Variants in IRGM observed in about 807,000 individuals in gnomAD.
IRGM encodes immunity-related GTPase family M protein.
For missense variants in IRGM, 288 were observed against 219.9 expected (o/e 1.31, Z -1.96); for synonymous variants, 98 against 80.6 (o/e 1.22, Z -1.16).
chr5:150,870,214 C>A (rs1008209629), intron 1 of IRGM, among the ~76,000 whole-genome samples: 1 of 152,052 alleles, frequency 6.6e-6, no homozygotes. Context: ...AAATAGGAAC[C>A]ATTACAGACA....
intron 1 of IRGM, among the ~76,000 whole-genome samples, chr5:150,855,249 G>A (rs1359027724): frequency 6.6e-6 from 1 of 152,084 alleles, no homozygotes; most frequent in Non-Finnish European, 1.5e-5. Context: ...AACATGCAGA[G>A]TAATTTTTCT....
At position 150,853,745 on chromosome 5, in the gene IRGM, G is replaced by A. The variant is rs140288651; in HGVS notation, c.158+5091G>A. 9.4e-4 allele frequency among the ~76,000 whole-genome samples: 143 copies of A among 152,006 alleles called. 1 individual carries two copies. The highest frequency in any genetic ancestry group is 3.3e-3 in the African/African-American group (137 of 41,480). On this transcript the variant is annotated intron_variant and NMD_transcript_variant, in intron 1 of 3. Coordinates refer to the IRGM transcript ENST00000520549. ...CCACCCCTGCTCTCTTTCAGTTCCT[G>A]TTTGCATGGAATATCTCTTTCCACC...
intron 3 of IRGM, among the ~76,000 whole-genome samples, chr5:150,883,621 A>G (rs971627177): frequency 6.6e-6 from 1 of 152,032 alleles, no homozygotes; most frequent in African/African-American, 2.4e-5. Flanking sequence ...ATTATAGGCC[A>G]TCAAATTTAA....
intron 1 of IRGM, among the ~76,000 whole-genome samples, chr5:150,863,753 C>T (rs1280869437): frequency 6.6e-6 from 1 of 152,218 alleles, no homozygotes; most frequent in African/African-American, 2.4e-5. Context: ...GCAGAAGCTA[C>T]ACCTGAACCG....
At chr5:150,873,434 A>T (rs1038407700) in intron 1 of IRGM, among the ~76,000 whole-genome samples, 1 of 152,168 alleles carries the variant, frequency 6.6e-6, no homozygotes, top group Non-Finnish European at 1.5e-5. Flanking sequence ...TCTTTCTCCC[A>T]TCCTTCCCCA....
At chr5:150,861,884 C>G (rs1057317664) in intron 1 of IRGM, among the ~76,000 whole-genome samples, 1 of 152,190 alleles carries the variant, frequency 6.6e-6, no homozygotes, top group African/African-American at 2.4e-5. Flanking sequence ...CCAGAACCCT[C>G]AAATATGGAT....
At chr5:150,855,787 G>A (rs1230641922) in intron 1 of IRGM, among the ~76,000 whole-genome samples, 2 of 152,162 alleles carry the variant, frequency 1.3e-5, no homozygotes, top group Admixed American at 1.3e-4. Context: ...TATGTTCACT[G>A]CAGCAAAAGA....
At chr5:150,882,749 T>C (rs75807404) in intron 3 of IRGM, among the ~76,000 whole-genome samples, 5,845 of 152,222 alleles carry the variant, frequency 0.038, 179 homozygotes, top group East Asian at 0.16. Context: ...AAGGAAGATA[T>C]AGATTGCAAT....
At chr5:150,898,349 G>A (rs938395745) in intron 3 of IRGM, 1 of 1,609,496 alleles carries the variant, frequency 6.2e-7, no homozygotes, top group Non-Finnish European at 8.5e-7. Context: ...CATATGTCAG[G>A]AACAATCTAA....
In IRGM at chr5:150,848,369, C is replaced by G; in HGVS notation, c.246C>G (p.His82Gln). 1.3e-6 allele frequency: 2 copies of G among 1,551,856 alleles called. No homozygotes were observed. The highest frequency in any genetic ancestry group is 1.7e-6 in the Non-Finnish European group (2 of 1,146,994). ...GATGTGCCTCCTATTTCTCTTCCCA[C>G]TTTTCAAATGTGGTGTTGTGGGACC... ...TQRCASYFSS[H>Q]FSNVVLWDLP... is the part of the protein sequence containing the mutation. The change falls in exon 2 of 2, where the codon CAC (histidine) becomes CAG (glutamine). Residue 82 changes from histidine to glutamine, a missense_variant. Transcript: ENST00000522154.
chr5:150,900,795 T>C (rs748346314), downstream of IRGM: 1 of 145,846 alleles, frequency 6.9e-6, no homozygotes, highest in Non-Finnish European at 1.5e-5. Flanking sequence ...ATAAGAAAGA[T>C]AATAAATGTG....
At chr5:150,858,808 A>G (rs1380548935) in intron 1 of IRGM, among the ~76,000 whole-genome samples, 4 of 152,202 alleles carry the variant, frequency 2.6e-5, no homozygotes, top group Non-Finnish European at 2.9e-5. Flanking sequence ...GTTGCTTATC[A>G]GCTTGAGGAG....
chr5:150,889,559 C>A (rs1025496489), intron 3 of IRGM, among the ~76,000 whole-genome samples: 1 of 151,954 alleles, frequency 6.6e-6, no homozygotes, highest in African/African-American at 2.4e-5. Flanking sequence ...AGTTTTACTT[C>A]TTTTTTTCCA....
chr5:150,864,349 A>G (rs1009969681), intron 1 of IRGM, among the ~76,000 whole-genome samples: 1 of 152,182 alleles, frequency 6.6e-6, no homozygotes, highest in African/African-American at 2.4e-5. Context: ...CATCGTAGAA[A>G]AAGGAATCCT....
chr5:150,897,041 C>A lies in IRGM; in HGVS notation c.*141-3548C>A, dbSNP rs527344908. 5 of 1,250,250 alleles carry A rather than the reference C, an allele frequency of 4.0e-6. No homozygotes were observed. In the East Asian group the frequency reaches 9.6e-5, roughly 24 times the overall value. 77.4% of individuals were successfully genotyped at this position (1,250,250 alleles called of 1,614,324 possible). A position where few individuals can be genotyped will look rare whatever the true frequency, so the allele number is the denominator to read the frequency against. Reference sequence around the variant, plus strand: ...CAATTAAGAGGGTAAAGAAGTAGAACAAATGGATGATCCAACATAGTAGAT... The same window carrying A: ...CAATTAAGAGGGTAAAGAAGTAGAAAAAATGGATGATCCAACATAGTAGAT... On this transcript the variant is annotated intron_variant and NMD_transcript_variant, in intron 3 of 3. Transcript: ENST00000520549.
intron 1 of IRGM, among the ~76,000 whole-genome samples, chr5:150,857,294 T>G (rs1421010335): frequency 3.9e-5 from 6 of 152,086 alleles, no homozygotes; most frequent in South Asian, 2.1e-4. Flanking sequence ...GTATTCCATG[T>G]TGTATATGTG....
downstream of IRGM, among the ~76,000 whole-genome samples, chr5:150,851,242 A>G (rs781153685): frequency 2.0e-5 from 3 of 152,148 alleles, no homozygotes; most frequent in Non-Finnish European, 4.4e-5. Context: ...TTGGTCTTGA[A>G]GGGAAGATGG....
At chr5:150,886,902 C>T (rs1301814305) in intron 3 of IRGM, among the ~76,000 whole-genome samples, 1 of 151,638 alleles carries the variant, frequency 6.6e-6, no homozygotes, top group Non-Finnish European at 1.5e-5. Context: ...TCTTGATTTC[C>T]TTCAGTTCAG....
chr5:150,860,227 G>A (rs887098913), intron 1 of IRGM, among the ~76,000 whole-genome samples: 8 of 152,152 alleles, frequency 5.3e-5, no homozygotes, highest in Non-Finnish European at 1.0e-4. Context: ...AACACAAAGT[G>A]CCTTTATGAT....
Sources: gnomAD v4.1 joint callset for allele counts (sites outside exome capture counted in the v4.1 genomes callset) on GRCh38, gnomAD v4.1.1 for gene constraint, MANE v1.5 for transcripts, NCBI Gene and HGNC (gene_info 2026-07-23, HGNC 2026-07-21) for gene names.